Variants in SRGAP2B observed in about 807,000 individuals in gnomAD.
SRGAP2B encodes SLIT-ROBO Rho GTPase-activating protein 2B.
Under a neutral mutation model 22.2 loss-of-function variants are expected in SRGAP2B, and 9 were observed. The ratio of observed to expected loss-of-function variants is 0.41; its 90% CI spans 0.24 to 0.71. SRGAP2B has a LOEUF of 0.71. Among genes scored for constraint, SRGAP2B ranks in the 30% least tolerant of loss-of-function variants. The pLI, the probability that SRGAP2B is intolerant of heterozygous loss-of-function variation, is 0.35. For missense variants in SRGAP2B, 114 were observed against 235.8 expected, an observed-to-expected ratio of 0.48 and a Z score of 3.38; for synonymous variants, 36 against 87.4, an observed-to-expected ratio of 0.41 and a Z score of 3.28.
At position 144,916,135 on chromosome 1, in the gene SRGAP2B, C is replaced by A. The variant is rs150377809; in HGVS notation, c.424-1381G>T. ...TTTATTATAATAAGGAAACTAGAAACCTCAAAAAAGAAAACAAAAGTAACT... is the reference window on the plus strand; with the variant it reads ...TTTATTATAATAAGGAAACTAGAAAACTCAAAAAAGAAAACAAAAGTAACT... On this transcript the variant is annotated intron_variant, in intron 4 of 9. Transcript: ENST00000612199. Among the ~76,000 whole-genome samples the A allele has an allele frequency of 1.7e-3, 250 of 150,342 alleles. 7 individuals carry two copies. Among genetic ancestry groups the A allele is most frequent in the African/African-American group, 6.0e-3 (242 of 40,018 alleles).
chr1:145,022,692 C>T (rs1423165994), intron 2 of SRGAP2B, among the ~76,000 whole-genome samples: 6 of 150,570 alleles, frequency 4.0e-5, no homozygotes, highest in African/African-American at 1.5e-4. Flanking sequence ...CAGTCTAACA[C>T]CCACATGGAC....
At chr1:145,084,394 A>C (rs1653196644) in intron 2 of SRGAP2B, among the ~76,000 whole-genome samples, 1 of 136,134 alleles carries the variant, frequency 7.3e-6, no homozygotes, top group South Asian at 2.8e-4. Flanking sequence ...TTTCATGAGC[A>C]ACACGTAGAA....
intron 3 of SRGAP2B, among the ~76,000 whole-genome samples, chr1:144,967,349 G>A (rs1668163126): frequency 1.5e-5 from 1 of 68,690 alleles, no homozygotes; most frequent in African/African-American, 6.6e-5. Flanking sequence ...ACTCAAAGCC[G>A]CTCAACTACA....
At chr1:144,951,909 T>C (rs1326458894) in intron 4 of SRGAP2B, among the ~76,000 whole-genome samples, 1 of 147,950 alleles carries the variant, frequency 6.8e-6, no homozygotes, top group Non-Finnish European at 1.5e-5. Flanking sequence ...GCTGACATTG[T>C]AGATATCAGC....
At chr1:144,914,126 G>T (rs1221936998) in intron 5 of SRGAP2B, among the ~76,000 whole-genome samples, 4 of 151,658 alleles carry the variant, frequency 2.6e-5, no homozygotes, top group African/African-American at 4.9e-5. Context: ...CTCCAAGCCC[G>T]CAGCCTGCCT....
At chr1:144,963,923 A>G in intron 3 of SRGAP2B, among the ~76,000 whole-genome samples, 1 of 150,800 alleles carries the variant, frequency 6.6e-6, no homozygotes, top group Non-Finnish European at 1.5e-5. Context: ...GGGTATCCAT[A>G]AAGATCTCCC....
chr1:144,942,436 T>C (rs1337657703), intron 4 of SRGAP2B, among the ~76,000 whole-genome samples: 1 of 149,372 alleles, frequency 6.7e-6, no homozygotes, highest in Non-Finnish European at 1.5e-5. Context: ...TATTTATTTT[T>C]TGAGTCGGAG....
rs143929514 is a variant in SRGAP2B, at chr1:144,964,643, G to A, written c.261-9042C>T. Among the ~76,000 whole-genome samples the A allele has an allele frequency of 1.5e-4, 22 of 151,236 alleles. No homozygotes were observed. The East Asian group carries it at 2.9e-3, about 20-fold the overall frequency. On this transcript the variant is annotated intron_variant, in intron 3 of 9. Transcript: ENST00000612199. ...ACTCCATCTACACTCTGTGGAAAGC[G>A]CCTTGAACTATGCTTAAGACACAGA... is the stretch of plus-strand genomic sequence containing the variant.
At chr1:144,971,258 G>C (rs1553613210) in intron 3 of SRGAP2B, among the ~76,000 whole-genome samples, 1 of 148,320 alleles carries the variant, frequency 6.7e-6, no homozygotes, top group African/African-American at 2.6e-5. Flanking sequence ...AGCCTCCTGA[G>C]TAGCTGGGAT....
intron 4 of SRGAP2B, among the ~76,000 whole-genome samples, chr1:144,934,403 CAAAAAAA>C (rs782588401): frequency 9.8e-5 from 4 of 40,694 alleles, no homozygotes; most frequent in African/African-American, 1.1e-4. Flanking sequence ...AACTCCATCT[CAAAAAAA>C]AAAAAAAAAA....
intron 3 of SRGAP2B, among the ~76,000 whole-genome samples, chr1:144,983,007 TG>T (rs1669418658): frequency 6.7e-6 from 1 of 149,342 alleles, no homozygotes; most frequent in Non-Finnish European, 1.5e-5. Flanking sequence ...AGCCAACCCT[TG>T]CAACACCAGA....
At chr1:144,965,888 C>T (rs1668048624) in intron 3 of SRGAP2B, among the ~76,000 whole-genome samples, 1 of 146,670 alleles carries the variant, frequency 6.8e-6, no homozygotes, top group Admixed American at 6.8e-5. Flanking sequence ...GAAAGGGTAT[C>T]AGCAATGGAA....
intron 4 of SRGAP2B, among the ~76,000 whole-genome samples, chr1:144,920,959 G>T (rs1171381623): frequency 6.7e-6 from 1 of 149,524 alleles, no homozygotes; most frequent in South Asian, 2.1e-4. Context: ...GAAATGGCTG[G>T]ATTTTAGGGA....
intron 4 of SRGAP2B, among the ~76,000 whole-genome samples, chr1:144,940,366 C>T (rs1404099200): frequency 7.1e-6 from 1 of 139,906 alleles, no homozygotes; most frequent in Non-Finnish European, 1.5e-5. Context: ...TCTCTCCTTA[C>T]CTTATATTAA....
chr1:144,957,755 A>C (rs1667370718), intron 3 of SRGAP2B, among the ~76,000 whole-genome samples: 1 of 150,554 alleles, frequency 6.6e-6, no homozygotes, highest in East Asian at 1.9e-4. Flanking sequence ...GAAAACTTTC[A>C]AAATGATTCC....
At chr1:145,081,226 G>A (rs1255589478) in intron 2 of SRGAP2B, among the ~76,000 whole-genome samples, 3 of 148,352 alleles carry the variant, frequency 2.0e-5, no homozygotes, top group African/African-American at 7.7e-5. Flanking sequence ...GATAATAATA[G>A]CAGCTACCTC....
At chr1:145,068,098 G>A (rs1233711739) in intron 2 of SRGAP2B, among the ~76,000 whole-genome samples, 4 of 48,598 alleles carry the variant, frequency 8.2e-5, no homozygotes, top group African/African-American at 1.0e-4. Flanking sequence ...AGCTACTTGG[G>A]AGGCTGAGGC....
chr1:144,892,559 A>G (rs1662188787), intron 9 of SRGAP2B, among the ~76,000 whole-genome samples, 178 bp from the exon 10 acceptor site: 1 of 149,900 alleles, frequency 6.7e-6, no homozygotes, highest in Non-Finnish European at 1.5e-5. Flanking sequence ...CTGCTACAGC[A>G]TGCTACTCTC....
intron 3 of SRGAP2B, among the ~76,000 whole-genome samples, chr1:144,966,101 G>T (rs1238091242): frequency 1.4e-5 from 2 of 146,782 alleles, no homozygotes; most frequent in African/African-American, 5.2e-5. Flanking sequence ...CCCCAATCTA[G>T]CAAGGCAGGC....
Sources: gnomAD v4.1 joint callset for allele counts (sites outside exome capture counted in the v4.1 genomes callset) on GRCh38, gnomAD v4.1.1 for gene constraint, MANE v1.5 for transcripts, NCBI Gene and HGNC (gene_info 2026-07-23, HGNC 2026-07-21) for gene names.